The following PDGFRA variants were observed in gnomAD, a reference collection of about 807,000 sequenced individuals.
The protein encoded by PDGFRA is platelet derived growth factor receptor alpha.
PDGFRA carries 25 observed loss-of-function variants against 121.5 expected under a neutral mutation model. The observed-to-expected ratio is 0.21, with a 90% CI of 0.15 to 0.29. The LOEUF (loss-of-function observed/expected upper bound fraction) is 0.29. Ranked by LOEUF, PDGFRA falls within the 10% of genes least tolerant of loss-of-function variation. The pLI, the probability that PDGFRA is intolerant of heterozygous loss-of-function variation, is 1.00. For missense variants in PDGFRA, 1,008 were observed against 1,345.1 expected, an observed-to-expected ratio of 0.75 and a Z score of 3.92; for synonymous variants, 463 against 494.8, an observed-to-expected ratio of 0.94 and a Z score of 0.85.
At chr4:54,249,353 T>C (rs1015808813) in intron 1 of PDGFRA, among the ~76,000 whole-genome samples, 2 of 152,300 alleles carry the variant, frequency 1.3e-5, no homozygotes, top group African/African-American at 4.8e-5. Flanking sequence ...ATTGCGGCAC[T>C]ATTCACAATA....
rs757211711 is a variant in PDGFRA at position 54,272,480 on chromosome 4, C to T, written c.1324C>T (p.Leu442Phe). 6.2e-7 allele frequency: 1 copy of T among 1,614,054 alleles called. No homozygotes were observed. The highest frequency in any genetic ancestry group is 8.5e-7 in the Non-Finnish European group (1 of 1,179,974). Residue 442 changes from leucine to phenylalanine, a missense_variant, in exon 9 of 23, where the codon CTT becomes TTT. By Grantham distance (22) the Leu-to-Phe change is conservative. Transcript: ENST00000257290. ...GAGGTGCACAGCTGAAGGCACGCCG[C>T]TTCCTGATATTGAGTGGATGATATG... Reference protein sequence around the residue: ...TVRCTAEGTPLPDIEWMICKD... With the variant: ...TVRCTAEGTPFPDIEWMICKD...
chr4:54,269,431 C>A (rs1346307960), intron 7 of PDGFRA, among the ~76,000 whole-genome samples: 1 of 151,902 alleles, frequency 6.6e-6, no homozygotes, highest in African/African-American at 2.4e-5. Context: ...CTTCTCCATT[C>A]CAGTTGCTTT....
intron 1 of PDGFRA, among the ~76,000 whole-genome samples, chr4:54,241,514 AATTTATTTATTTATTTATTT>A (rs34623203): frequency 1.3e-5 from 2 of 148,470 alleles, no homozygotes; most frequent in East Asian, 2.0e-4. Flanking sequence ...ACTGAAAGGA[AATTTATTTATTTATTTATTT>A]ATTTATTTAT....
chr4:54,265,014 G>A lies in PDGFRA; in HGVS notation c.724G>A (p.Val242Met), dbSNP rs1324568225. The A allele has an allele frequency of 6.2e-7, 1 of 1,613,784 alleles. No homozygotes were observed. Among genetic ancestry groups the A allele is most frequent in the Non-Finnish European group, 8.5e-7 (1 of 1,179,772 alleles). ...CACCTGTGCTGTTTTTAACAATGAG[G>A]TGGTTGACCTTCAATGGACTTACCC... ...VVTCAVFNNE[V>M]VDLQWTYPGE... Residue 242 changes from valine to methionine, a missense_variant, in exon 5 of 23, where the codon GTG becomes ATG. Transcript: ENST00000257290.
At chr4:54,284,883 T>C (rs908910629) in intron 16 of PDGFRA, among the ~76,000 whole-genome samples, 18 of 131,928 alleles carry the variant, frequency 1.4e-4, no homozygotes, top group South Asian at 5.4e-4. Flanking sequence ...TTCTATCTTT[T>C]TTTTTTTTTT....
intron 1 of PDGFRA, among the ~76,000 whole-genome samples, chr4:54,241,398 A>G (rs1054576053): frequency 2.6e-5 from 4 of 152,078 alleles, no homozygotes; most frequent in Non-Finnish European, 5.9e-5. Context: ...AAAAGAAGGA[A>G]ATATAGGACA....
In PDGFRA at chr4:54,273,560, C is replaced by G. The variant is rs375047532; in HGVS notation, c.1388C>G (p.Thr463Ser). 1.7e-4 allele frequency: 277 copies of G among 1,614,062 alleles called. No homozygotes were observed. The highest frequency in any genetic ancestry group is 9.9e-4 in the Middle Eastern group (6 of 6,062). ...AGATGTAATAATGAAACTTCCTGGA[C>G]TATTTTGGCCAACAATGTCTCAAAC... Reference protein sequence around the residue: ...IKKCNNETSWTILANNVSNII... With the variant: ...IKKCNNETSWSILANNVSNII... Residue 463 changes from threonine (T) to serine (S), a missense_variant, in exon 10 of 23, where the codon ACT becomes AGT. Physicochemically the swap from Thr to Ser is moderately conservative, Grantham distance 58 (BLOSUM62 1). This residue lies in a region of PDGFRA where 575 missense variants were observed against 701.8 expected (regional missense o/e 0.82). Transcript: ENST00000257290.
chr4:54,269,927 C>T (rs1046977371), intron 7 of PDGFRA, among the ~76,000 whole-genome samples: 4 of 151,862 alleles, frequency 2.6e-5, no homozygotes, highest in African/African-American at 9.7e-5. Context: ...GCTGGGATTA[C>T]AGGTGTGAGT....
At chr4:54,248,489 G>C (rs1458443941) in intron 1 of PDGFRA, among the ~76,000 whole-genome samples, 1 of 152,194 alleles carries the variant, frequency 6.6e-6, no homozygotes, top group African/African-American at 2.4e-5. Context: ...TTAATAAATG[G>C]TGCTGGGAAA....
chr4:54,275,317 T>C lies in PDGFRA; in HGVS notation c.1786+344T>C, dbSNP rs559153366. On this transcript the variant is annotated intron_variant, in intron 12 of 22. Coordinates refer to ENST00000257290, the MANE Select transcript of PDGFRA (RefSeq NM_006206.6). ...TGACTAAAAATGAGCAGATGAGAAA[T>C]GAATGAGGACAACCACAAAATGTAT... is the stretch of plus-strand genomic sequence containing the variant. Among the ~76,000 whole-genome samples the C allele has an allele frequency of 8.5e-5, 13 of 152,300 alleles. No individual in the cohort carries two copies. In the South Asian group the frequency reaches 2.5e-3, roughly 29 times the overall value.
intron 10 of PDGFRA, among the ~76,000 whole-genome samples, chr4:54,273,988 T>C (rs1723563143): frequency 6.6e-6 from 1 of 152,240 alleles, no homozygotes; most frequent in Admixed American, 6.5e-5. Context: ...TTGTTTTAGA[T>C]TCAGATCCAA....
chr4:54,290,047 G>T (rs944127835), intron 21 of PDGFRA, among the ~76,000 whole-genome samples: 3 of 152,230 alleles, frequency 2.0e-5, no homozygotes, highest in Admixed American at 2.0e-4. Flanking sequence ...GGACCAGAAG[G>T]ATTCTCAGTT....
At chr4:54,230,962 G>A (rs184897266) in intron 1 of PDGFRA, among the ~76,000 whole-genome samples, 2 of 152,236 alleles carry the variant, frequency 1.3e-5, no homozygotes, top group African/African-American at 4.8e-5. Flanking sequence ...GGAGCGACGA[G>A]TGTGGCCCAA....
chr4:54,235,811 A>AT (rs1184124833), intron 1 of PDGFRA, among the ~76,000 whole-genome samples: 2 of 152,270 alleles, frequency 1.3e-5, no homozygotes, highest in Non-Finnish European at 2.9e-5. Flanking sequence ...AGCACTTTCA[A>AT]TTAAACTATA....
chr4:54,271,980 C>T (rs1723416950), intron 8 of PDGFRA, among the ~76,000 whole-genome samples: 1 of 1,378 alleles, frequency 7.3e-4, no homozygotes, highest in Non-Finnish European at 1.5e-3. Flanking sequence ...CCCCTCCCCT[C>T]CCCCTCCCCT....
intron 1 of PDGFRA, among the ~76,000 whole-genome samples, chr4:54,251,435 A>G (rs577213077): frequency 1.2e-3 from 183 of 152,320 alleles, no homozygotes; most frequent in African/African-American, 4.3e-3. Context: ...ATTTGGGAGT[A>G]TTCTTAACTA....
chr4:54,251,065 C>CAAAA (rs566538469), intron 1 of PDGFRA, among the ~76,000 whole-genome samples: 1 of 51,840 alleles, frequency 1.9e-5, no homozygotes, highest in Admixed American at 1.9e-4. Context: ...AACTCCGTCT[C>CAAAA]AAAAAAAAAA....
chr4:54,236,811 AAAAG>A (rs552378796), intron 1 of PDGFRA, among the ~76,000 whole-genome samples: 2 of 152,112 alleles, frequency 1.3e-5, no homozygotes, highest in Non-Finnish European at 2.9e-5. Context: ...TAAAAAAAGA[AAAAG>A]AAAGAAAGAA....
intron 3 of PDGFRA, among the ~76,000 whole-genome samples, chr4:54,261,902 T>C (rs1165049445): frequency 3.2e-5 from 2 of 63,118 alleles, no homozygotes; most frequent in African/African-American, 7.9e-5. Flanking sequence ...AAGTTACATA[T>C]ATATATATAT....
Sources: allele counts gnomAD v4.1 joint callset (sites outside exome capture counted in the v4.1 genomes callset), GRCh38; gene constraint gnomAD v4.1.1; regional missense constraint gnomAD v4.1.1; transcripts MANE v1.5; gene names NCBI Gene and HGNC (gene_info 2026-07-23, HGNC 2026-07-21).